YLPM1: variants seen among roughly 807,000 people sequenced by gnomAD.
YLPM1 encodes YLP motif-containing protein 1.
YLPM1 carries 99 observed loss-of-function variants against 230.0 expected under a neutral mutation model. The ratio of observed to expected loss-of-function variants is 0.43; its 90% CI spans 0.37 to 0.51. The LOEUF is 0.51. YLPM1 is among the 20% of genes least tolerant of loss of function. The probability of loss-of-function intolerance (pLI) is 0.00; values close to 1 mark genes in which losing one functional copy is unlikely to be tolerated. For missense variants in YLPM1, 2,592 were observed against 2,707.7 expected, an observed-to-expected ratio of 0.96 and a Z score of 0.95; for synonymous variants, 984 against 942.5, an observed-to-expected ratio of 1.04 and a Z score of -0.81.
intron 18 of YLPM1, among the ~76,000 whole-genome samples, chr14:74,826,640 C>G (rs1239911679): frequency 1.3e-5 from 2 of 152,212 alleles, no homozygotes. Flanking sequence ...GTACACAGTT[C>G]AGCCTGTGCC....
At chr14:74,822,978 T>C (rs2091534541) in intron 17 of YLPM1, among the ~76,000 whole-genome samples, 1 of 152,134 alleles carries the variant, frequency 6.6e-6, no homozygotes, top group South Asian at 2.1e-4. Context: ...AAGATGTAAC[T>C]TGTCTTCAGT....
intron 2 of YLPM1, among the ~76,000 whole-genome samples, chr14:74,780,050 C>T (rs1305767888): frequency 1.3e-5 from 2 of 152,100 alleles, no homozygotes; most frequent in African/African-American, 4.8e-5. Context: ...GTGATCCACC[C>T]GCCTTGGCCT....
chr14:74,769,306 C>T lies in YLPM1; in HGVS notation c.873+4944C>T, dbSNP rs2090950059. On this transcript the variant is annotated intron_variant, in intron 1 of 20. Coordinates refer to ENST00000325680, the MANE Select transcript of YLPM1 (RefSeq NM_019589.3). ...TTTTTTTTGGAGACGAAGTCTCACT[C>T]TTGTTGCCCAGGCTGGGGTGCAATG... Among the ~76,000 whole-genome samples the T allele has an allele frequency of 8.3e-5, 8 of 96,564 alleles. No homozygotes were observed. In the Admixed American group the frequency reaches 1.1e-3, roughly 13 times the overall value. The allele number at this position is 96,564 out of a possible 152,430, so 63.3% of individuals were successfully genotyped here.
At chr14:74,831,979 A>G (rs188842756) in intron 19 of YLPM1, among the ~76,000 whole-genome samples, 6 of 152,252 alleles carry the variant, frequency 3.9e-5, no homozygotes, top group Admixed American at 3.3e-4. Flanking sequence ...TTGGACTTTA[A>G]TTTGTATTTC....
At chr14:74,793,631 T>C (rs1222580706) in intron 4 of YLPM1, among the ~76,000 whole-genome samples, 1 of 152,226 alleles carries the variant, frequency 6.6e-6, no homozygotes, top group Non-Finnish European at 1.5e-5. Context: ...GTTCCTCAAA[T>C]ATCTAGCAAT....
At chr14:74,822,525 C>T (rs2091530197) in intron 17 of YLPM1, among the ~76,000 whole-genome samples, 1 of 152,090 alleles carries the variant, frequency 6.6e-6, no homozygotes, top group Admixed American at 6.6e-5. Flanking sequence ...TCCAAGTGGC[C>T]TACAATTTCA....
chr14:74,799,296 T>C lies in YLPM1; in HGVS notation c.3999T>C (p.Pro1333=). The C allele has an allele frequency of 1.2e-6, 2 of 1,613,970 alleles. No individual in the cohort carries two copies. Among genetic ancestry groups the C allele is most frequent in the African/African-American group, 1.3e-5 (1 of 75,046 alleles). Residue 1333 remains proline, a synonymous_variant, in exon 5 of 21, where the codon CCT becomes CCC. Coordinates refer to ENST00000325680, the MANE Select transcript of YLPM1 (RefSeq NM_019589.3). The stretch of plus-strand genomic sequence containing the variant: ...AACGGGATATTCCATCTCTTCCACC[T>C]TTACCGCCCCTCCCACCTCTTCCAC... The part of the protein sequence containing the change: ...FRERDIPSLP[P]LPPLPPLPPL...
intron 18 of YLPM1, among the ~76,000 whole-genome samples, chr14:74,825,453 T>C (rs1327030409): frequency 6.6e-6 from 1 of 152,186 alleles, no homozygotes; most frequent in Admixed American, 6.6e-5. Flanking sequence ...CATATTCTTC[T>C]AGTAGTCTTC....
At chr14:74,833,926 G>A (rs913417620) in intron 19 of YLPM1, among the ~76,000 whole-genome samples, 4 of 152,120 alleles carry the variant, frequency 2.6e-5, no homozygotes, top group Admixed American at 6.5e-5. Flanking sequence ...TAAATCACAA[G>A]CCATGTTTAA....
chr14:74,798,999 T>C lies in YLPM1; in HGVS notation c.3702T>C (p.Tyr1234=). The C allele has an allele frequency of 6.2e-7, 1 of 1,613,778 alleles. No homozygotes were observed. The highest frequency in any genetic ancestry group is 2.2e-5 in the East Asian group (1 of 44,858). ...ACTGGAGAGAATGTGAACGTGACTA[T>C]CAAGATGATACACTAGAGCTCTATA... ...ERYWRECERD[Y]QDDTLELYNR... is the part of the protein sequence containing the mutation. The change falls in exon 5 of 21, where the codon TAT becomes TAC. Residue 1234 remains tyrosine, a synonymous_variant. Transcript: ENST00000325680.
rs748636491 is a variant in YLPM1, at chr14:74,763,768, G to C, written c.279G>C (p.Pro93=). 124 of 1,474,428 alleles carry C rather than the reference G, an allele frequency of 8.4e-5. No homozygotes were observed. The highest frequency in any genetic ancestry group is 4.6e-4 in the Admixed American group (18 of 39,510). The allele number at this position is 1,474,428 out of a possible 1,614,324, so 91.3% of individuals were successfully genotyped here. ...CTCTGCCGCCCCCGCCAGTGATGCC[G>C]GGGGGCGGCTACGGAGACTGGCAGC... ...PPPLPPPPVM[P]GGGYGDWQPP... Residue 93 remains proline, a synonymous_variant, in exon 1 of 21, where the codon CCG becomes CCC. Transcript: ENST00000325680.
chr14:74,809,282 C>G (rs894304236), intron 6 of YLPM1, 98 bp from the exon 7 acceptor site: 33 of 1,466,640 alleles, frequency 2.3e-5, no homozygotes, highest in Non-Finnish European at 2.9e-5. Flanking sequence ...AAGGTGTTAA[C>G]TTTTTTCTTA....
At chr14:74,832,261 G>T (rs923964707) in intron 19 of YLPM1, among the ~76,000 whole-genome samples, 2 of 152,142 alleles carry the variant, frequency 1.3e-5, no homozygotes, top group African/African-American at 4.8e-5. Flanking sequence ...CTCCTTGTAT[G>T]TTTAGTGGTT....
rs562854852 is a variant in YLPM1, at chr14:74,777,829, G to T, written c.874-618G>T. ...GTGTCTATAAAACATAAAAAAATTAGCTGGGCGTGATGGTGCATGCCTACG... is the reference window on the plus strand; with the variant it reads ...GTGTCTATAAAACATAAAAAAATTATCTGGGCGTGATGGTGCATGCCTACG... On this transcript the variant is annotated intron_variant, in intron 1 of 20. Coordinates refer to ENST00000325680, the MANE Select transcript of YLPM1 (RefSeq NM_019589.3). 3.3e-5 allele frequency among the ~76,000 whole-genome samples: 5 copies of T among 152,168 alleles called. No individual in the cohort carries two copies. In the East Asian group the frequency reaches 9.7e-4, roughly 29 times the overall value.
chr14:74,812,761 C>T lies in YLPM1; in HGVS notation c.5481C>T (p.Gly1827=). 1 of 1,613,364 alleles carries T rather than the reference C, an allele frequency of 6.2e-7. No individual in the cohort carries two copies. Among genetic ancestry groups the T allele is most frequent in the East Asian group, 2.2e-5 (1 of 44,860 alleles). Residue 1827 remains glycine (G), a synonymous_variant, in exon 11 of 21, where the codon GGC becomes GGT. Transcript: ENST00000325680. Reference sequence around the variant, plus strand: ...TGGACGATATTTTGAAACCACCGGGCCGGGAGAGCAGACCTGAGAGAGTGA... The same window carrying T: ...TGGACGATATTTTGAAACCACCGGGTCGGGAGAGCAGACCTGAGAGAGTGA... The part of the protein sequence containing the change: ...KNVDDILKPP[G]RESRPERIVV...
intron 4 of YLPM1, among the ~76,000 whole-genome samples, chr14:74,796,993 C>T (rs1369347018): frequency 5.8e-5 from 5 of 86,864 alleles, no homozygotes; most frequent in South Asian, 4.4e-4. Flanking sequence ...TTTTTTGAGA[C>T]GGAGTCTCAC....
intron 19 of YLPM1, 189 bp from the exon 20 acceptor site, chr14:74,835,076 T>C: frequency 4.6e-6 from 3 of 646,318 alleles, no homozygotes; most frequent in Non-Finnish European, 7.6e-6. Flanking sequence ...AGGACTTGGA[T>C]TGTCCAGAGA....
chr14:74,802,440 A>G, intron 5 of YLPM1, 116 bp from the exon 6 acceptor site: 1 of 1,268,328 alleles, frequency 7.9e-7, no homozygotes, highest in South Asian at 1.7e-5. Flanking sequence ...GCCACTGCAG[A>G]GAATTTTAGG....
intron 19 of YLPM1, among the ~76,000 whole-genome samples, chr14:74,834,592 A>G (rs1300083127): frequency 6.6e-6 from 1 of 152,222 alleles, no homozygotes; most frequent in Non-Finnish European, 1.5e-5. Context: ...AAAAAGGGGT[A>G]AGTCAGGGAA....
Sources: gnomAD v4.1 joint callset for allele counts (sites outside exome capture counted in the v4.1 genomes callset) on GRCh38, gnomAD v4.1.1 for gene constraint, MANE v1.5 for transcripts, NCBI Gene and HGNC (gene_info 2026-07-23, HGNC 2026-07-21) for gene names.